The following KNL1 variants were observed in gnomAD, a reference collection of about 807,000 sequenced individuals.
KNL1 encodes kinetochore scaffold 1.
A neutral mutation model predicts 201.3 loss-of-function variants in KNL1; 66 were observed. The ratio of observed to expected loss-of-function variants is 0.33; its 90% confidence interval spans 0.27 to 0.40. KNL1 has a LOEUF of 0.40. Ranked by LOEUF, KNL1 falls within the 10% of genes least tolerant of loss-of-function variation. The pLI is 1.00. For missense variants in KNL1, 2,815 were observed against 2,690.5 expected (o/e 1.05, Z -1.02); for synonymous variants, 895 against 899.2 (o/e 1.00, Z 0.08).
At chr15:40,632,209 G>GCCC (rs762813856) in intron 13 of KNL1, among the ~76,000 whole-genome samples, 1 of 115,852 alleles carries the variant, frequency 8.6e-6, no homozygotes, top group African/African-American at 3.2e-5. Flanking sequence ...AACATAGCGA[G>GCCC]ACCCCCCCCC....
chr15:40,607,495 A>G (rs74638131), intron 4 of KNL1, among the ~76,000 whole-genome samples: 5,306 of 152,242 alleles, frequency 0.035, 304 homozygotes, highest in African/African-American at 0.12. Context: ...ACTTATGGTT[A>G]GGTATTCAGA....
In KNL1 at chr15:40,662,667, A is replaced by G; in HGVS notation, c.*479A>G. 5.3e-6 allele frequency: 1 copy of G among 188,426 alleles called. No homozygotes were observed. Among genetic ancestry groups the G allele is most frequent in the Non-Finnish European group, 1.1e-5 (1 of 89,466 alleles). The allele number at this position is 188,426 out of a possible 1,614,324, so 11.7% of individuals were successfully genotyped here. On this transcript the variant is annotated 3_prime_UTR_variant, in exon 26 of 26. Transcript: ENST00000399668. The stretch of plus-strand genomic sequence containing the variant: ...TTTCTCCGTTACTAAAATGCTATTA[A>G]GAGAAAGTAGGGCTGGGTGCGGTGG...
chr15:40,624,892 C>T lies in KNL1; in HGVS notation c.4628C>T (p.Pro1543Leu), dbSNP rs1431366650. 6.2e-7 allele frequency: 1 copy of T among 1,612,660 alleles called. No homozygotes were observed. The highest frequency in any genetic ancestry group is 1.1e-5 in the South Asian group (1 of 91,034). Residue 1543 changes from proline to leucine, a missense_variant, in exon 10 of 26, where the codon CCA becomes CTA. Pro to Leu is a moderately conservative substitution (Grantham distance 98). Coordinates refer to ENST00000399668, the MANE Select transcript of KNL1 (RefSeq NM_144508.5). ...IQTHVNAGEA[P>L]DPVITSNVPC... Reference sequence around the variant, plus strand: ...ACTCATGTCAATGCTGGAGAAGCACCAGATCCTGTAATTACATCTAATGTT... The same window carrying T: ...ACTCATGTCAATGCTGGAGAAGCACTAGATCCTGTAATTACATCTAATGTT...
intron 19 of KNL1, among the ~76,000 whole-genome samples, 164 bp from the exon 20 acceptor site, chr15:40,651,307 A>AC (rs1893554902): frequency 6.6e-6 from 1 of 152,080 alleles, no homozygotes; most frequent in African/African-American, 2.4e-5. Context: ...AAAAAAAAAA[A>AC]AAAAACTAAA....
chr15:40,625,347 G>A lies in KNL1; in HGVS notation c.5083G>A (p.Gly1695Ser). Residue 1695 changes from glycine to serine, a missense_variant, in exon 10 of 26, where the codon GGC (glycine) becomes AGC (serine). Physicochemically the swap from Gly to Ser is moderately conservative, Grantham distance 56 (BLOSUM62 0). Transcript: ENST00000399668. ...ETQPVSSKDS[G>S]IGSVAGKLNL... The stretch of plus-strand genomic sequence containing the variant: ...TCAGCCGGTCTCTAGCAAAGATTCA[G>A]GCATTGGATCTGTTGCAGGTAAACT... 1 of 1,614,072 alleles carries A rather than the reference G, an allele frequency of 6.2e-7. No homozygotes were observed. The highest frequency in any genetic ancestry group is 8.5e-7 in the Non-Finnish European group (1 of 1,179,992).
intron 1 of KNL1, among the ~76,000 whole-genome samples, chr15:40,595,095 A>G (rs921802641): frequency 6.6e-6 from 1 of 152,218 alleles, no homozygotes; most frequent in African/African-American, 2.4e-5. Context: ...GCATTAACAG[A>G]TAAAGGATGT....
At chr15:40,639,510 A>G (rs12912339) in intron 13 of KNL1, among the ~76,000 whole-genome samples, 117,636 of 149,554 alleles carry the variant, frequency 0.79, 47,231 homozygotes, top group Non-Finnish European at 0.85. Flanking sequence ...GCTTGAAGCC[A>G]CGAGGTGGAG....
At position 40,622,056 on chromosome 15, in the gene KNL1, A is replaced by G. The variant is rs1216946793; in HGVS notation, c.1792A>G (p.Thr598Ala). 1 of 1,613,670 alleles carries G rather than the reference A, an allele frequency of 6.2e-7. No individual in the cohort carries two copies. Among genetic ancestry groups the G allele is most frequent in the East Asian group, 2.2e-5 (1 of 44,892 alleles). Residue 598 changes from threonine (T) to alanine (A), a missense_variant, in exon 10 of 26, where the codon ACC (threonine) becomes GCC (alanine). Transcript: ENST00000399668. ...AGCTTATAATCTAGCACCGGAGAGT[A>G]CCAGTGAATCTCACTCTCAGAGCAA... ...LAAYNLAPES[T>A]SESHSQSKSS... is the part of the protein sequence containing the mutation.
Position 40,623,896 on chromosome 15 carries a change from T to C in KNL1, c.3632T>C (p.Ile1211Thr). The change falls in exon 10 of 26, where the codon ATC becomes ACC. Residue 1211 changes from isoleucine (I) to threonine (T), a missense_variant. Around this residue, in one of 3 missense-constraint regions of KNL1, gnomAD observed 2,464 missense variants for 2,291.7 expected, o/e 1.08. Coordinates refer to ENST00000399668, the MANE Select transcript of KNL1 (RefSeq NM_144508.5). Reference protein sequence around the residue: ...FPKDNSCVQEIAEKQALAVGN... With the variant: ...FPKDNSCVQETAEKQALAVGN... ...AAGGATAATAGCTGTGTTCAAGAAA[T>C]CGCTGAAAAACAAGCACTGGCTGTA... is the stretch of plus-strand genomic sequence containing the variant. The C allele has an allele frequency of 6.2e-7, 1 of 1,613,428 alleles. No homozygotes were observed. The highest frequency in any genetic ancestry group is 8.5e-7 in the Non-Finnish European group (1 of 1,179,914).
chr15:40,627,281 A>G (rs1892781973), intron 10 of KNL1, among the ~76,000 whole-genome samples: 1 of 152,190 alleles, frequency 6.6e-6, no homozygotes, highest in African/African-American at 2.4e-5. Context: ...TTGGGAGGCC[A>G]GGGCAGGTTG....
At chr15:40,633,242 C>T (rs549625507) in intron 13 of KNL1, among the ~76,000 whole-genome samples, 31 of 145,194 alleles carry the variant, frequency 2.1e-4, no homozygotes, top group African/African-American at 7.4e-4. Flanking sequence ...ACCCAGGAGG[C>T]GGAGGCTGCA....
At chr15:40,659,274 A>AG in intron 24 of KNL1, 65 bp from the exon 25 acceptor site, 1 of 1,506,808 alleles carries the variant, frequency 6.6e-7, no homozygotes, top group East Asian at 2.3e-5. Flanking sequence ...AAAAAAAAAA[A>AG]AAAAGAAATT....
intron 13 of KNL1, 137 bp downstream of exon 13, chr15:40,629,508 T>TC: frequency 2.2e-5 from 4 of 185,270 alleles, no homozygotes; most frequent in South Asian, 8.9e-5. Context: ...TTTTTTTTTT[T>TC]TTTTTTTTTT....
chr15:40,600,831 C>G (rs890312633), intron 1 of KNL1, among the ~76,000 whole-genome samples: 9 of 152,126 alleles, frequency 5.9e-5, no homozygotes, highest in Admixed American at 3.3e-4. Context: ...GAGACCAGTT[C>G]AGGAAACTTC....
intron 1 of KNL1, among the ~76,000 whole-genome samples, chr15:40,594,851 T>C (rs1368425887): frequency 6.6e-6 from 1 of 152,234 alleles, no homozygotes; most frequent in Admixed American, 6.5e-5. Flanking sequence ...TCTTCGTGGT[T>C]TAAGGTGTCT....
rs1892492167 is a variant in KNL1 at position 40,620,756 on chromosome 15, C to G, written c.492C>G (p.Gly164=). The change falls in exon 10 of 26, where the codon GGC becomes GGG. Residue 164 remains glycine (G), a synonymous_variant. Coordinates refer to ENST00000399668, the MANE Select transcript of KNL1 (RefSeq NM_144508.5). ...GTCACACTGTAATGATTACCAAAGG[C>G]CTTTTAGATAATCCCATAAGTGAAA... ...TSSHTVMITK[G]LLDNPISEKS... 1 of 1,612,450 alleles carries G rather than the reference C, an allele frequency of 6.2e-7. No individual in the cohort carries two copies. The highest frequency in any genetic ancestry group is 1.3e-5 in the African/African-American group (1 of 74,752).
intron 25 of KNL1, among the ~76,000 whole-genome samples, chr15:40,661,396 G>A (rs916496501): frequency 6.6e-6 from 1 of 152,150 alleles, no homozygotes; most frequent in African/African-American, 2.4e-5. Flanking sequence ...GGAGGCCGAG[G>A]TAGGAGAATT....
chr15:40,646,063 C>G (rs149710819), intron 16 of KNL1, among the ~76,000 whole-genome samples: 243 of 152,236 alleles, frequency 1.6e-3, no homozygotes, highest in African/African-American at 5.6e-3. Flanking sequence ...AAGGACTATA[C>G]CATAGTATTA....
At position 40,620,647 on chromosome 15, in the gene KNL1, T is replaced by C; in HGVS notation, c.383T>C (p.Ile128Thr). Reference sequence around the variant, plus strand: ...ATTTTGCTTTCATTATAGTTTTCAATTATAGAACATACCCGTGAAAGGAAA... The same window carrying C: ...ATTTTGCTTTCATTATAGTTTTCAACTATAGAACATACCCGTGAAAGGAAA... Reference protein sequence around the residue: ...HTQMQQKEFSIIEHTRERKHA... With the variant: ...HTQMQQKEFSTIEHTRERKHA... Residue 128 changes from isoleucine to threonine, a missense_variant, in exon 10 of 26, where the codon ATT (isoleucine) becomes ACT (threonine). Physicochemically the swap from Ile to Thr is moderately conservative, Grantham distance 89. Transcript: ENST00000399668. The C allele has an allele frequency of 1.9e-6, 3 of 1,562,100 alleles. No homozygotes were observed. Among genetic ancestry groups the C allele is most frequent in the Non-Finnish European group, 2.6e-6 (3 of 1,159,374 alleles).
Sources: gnomAD v4.1 joint callset for allele counts (sites outside exome capture counted in the v4.1 genomes callset) on GRCh38, gnomAD v4.1.1 for gene constraint, gnomAD v4.1.1 regional missense constraint, MANE v1.5 for transcripts, NCBI Gene and HGNC (gene_info 2026-07-23, HGNC 2026-07-21) for gene names.